Variants in ZSWIM2 observed in about 807,000 individuals in gnomAD.
The protein encoded by ZSWIM2 is E3 ubiquitin-protein ligase ZSWIM2.
A neutral mutation model predicts 48.4 loss-of-function variants in ZSWIM2; 38 were observed. The ratio of observed to expected loss-of-function variants is 0.79; its 90% CI spans 0.61 to 1.03. The LOEUF is 1.03. Among genes scored for constraint, ZSWIM2 ranks in the 50% least tolerant of loss-of-function variants. ZSWIM2 has a pLI of 0.00. For missense variants in ZSWIM2, 776 were observed against 730.2 expected, an observed-to-expected ratio of 1.06 and a Z score of -0.72; for synonymous variants, 240 against 251.3, an observed-to-expected ratio of 0.96 and a Z score of 0.42.
At position 186,834,017 on chromosome 2, in the gene ZSWIM2, T is replaced by C. The variant is rs748815970; in HGVS notation, c.757A>G (p.Ile253Val). Residue 253 changes from isoleucine to valine, a missense_variant, in exon 6 of 9, where the codon ATA becomes GTA. Ile to Val is a conservative substitution (Grantham distance 29). Coordinates refer to ENST00000295131, the MANE Select transcript of ZSWIM2 (RefSeq NM_182521.3). ...CATTCCTGGCATAAGTGATATTCTA[T>C]GCATTCGGTACACCTAAAAATACAA... is the stretch of plus-strand genomic sequence containing the variant. Reference protein sequence around the residue: ...EGKCYKCTECIEYHLCQECFD... With the variant: ...EGKCYKCTECVEYHLCQECFD... 2.5e-6 allele frequency: 4 copies of C among 1,610,826 alleles called. No homozygotes were observed. The African/African-American group carries it at 5.3e-5, about 22-fold the overall frequency.
chr2:186,846,809 A>G (rs1430697004), intron 2 of ZSWIM2, among the ~76,000 whole-genome samples: 2 of 48,910 alleles, frequency 4.1e-5, no homozygotes, highest in Admixed American at 6.6e-4. Flanking sequence ...ACACACACAC[A>G]CATATATATA....
intron 2 of ZSWIM2, among the ~76,000 whole-genome samples, chr2:186,847,396 T>C (rs763461742): frequency 3.3e-5 from 5 of 152,104 alleles, no homozygotes; most frequent in Non-Finnish European, 7.4e-5. Context: ...AAATGAACCA[T>C]ATAATTATCA....
Position 186,844,744 on chromosome 2 carries a change from T to C in ZSWIM2, c.256A>G (p.Lys86Glu). 6.4e-7 allele frequency: 1 copy of C among 1,564,506 alleles called. No individual in the cohort carries two copies. Among genetic ancestry groups the C allele is most frequent in the Non-Finnish European group, 8.6e-7 (1 of 1,160,644 alleles). ...TCATGGTTCCTTGGAAGCTTGAATTTTTTCAACAAGACCCTAACATTCACA... is the reference window on the plus strand; with the variant it reads ...TCATGGTTCCTTGGAAGCTTGAATTCTTTCAACAAGACCCTAACATTCACA... ...CKHICWVLLKKFKLPRNHESA... is the reference protein window; with the variant it reads ...CKHICWVLLKEFKLPRNHESA... The change falls in exon 3 of 9, where the codon AAA (lysine) becomes GAA (glutamate). Residue 86 changes from lysine (K) to glutamate (E), a missense_variant. Physicochemically the swap from Lys to Glu is moderately conservative, Grantham distance 56. Coordinates refer to ENST00000295131, the MANE Select transcript of ZSWIM2 (RefSeq NM_182521.3).
intron 1 of ZSWIM2, 24 bp downstream of exon 1, chr2:186,848,942 G>C (rs767360640): frequency 2.5e-6 from 4 of 1,613,168 alleles, no homozygotes; most frequent in Non-Finnish European, 3.4e-6. Flanking sequence ...ATGGCCAACT[G>C]GGGGCGGTAG....
In ZSWIM2 at chr2:186,839,189, T is replaced by G. The variant is rs1177359088; in HGVS notation, c.284-20A>C. 6.2e-7 allele frequency: 1 copy of G among 1,606,588 alleles called. No individual in the cohort carries two copies. Among genetic ancestry groups the G allele is most frequent in the East Asian group, 2.2e-5 (1 of 44,708 alleles). Reference sequence around the variant, plus strand: ...AAGCAGCTAGTGAGAAATCCCAAAGTATTAAAATCCAGTCATAAAATTGGA... The same window carrying G: ...AAGCAGCTAGTGAGAAATCCCAAAGGATTAAAATCCAGTCATAAAATTGGA... On this transcript the variant is annotated intron_variant, in intron 3 of 8. Transcript: ENST00000295131.
At chr2:186,847,034 G>T (rs1692016206) in intron 2 of ZSWIM2, among the ~76,000 whole-genome samples, 1 of 151,552 alleles carries the variant, frequency 6.6e-6, no homozygotes, top group South Asian at 2.1e-4. Flanking sequence ...AACTGGGAGG[G>T]TGGGAAGGGA....
intron 4 of ZSWIM2, among the ~76,000 whole-genome samples, 185 bp downstream of exon 4, chr2:186,838,774 T>C (rs1233711225): frequency 6.9e-6 from 1 of 145,774 alleles, no homozygotes; most frequent in Non-Finnish European, 1.5e-5. Context: ...TATTATAATA[T>C]ATTTATATTA....
rs983171693 is a variant in ZSWIM2 at position 186,849,163 on chromosome 2, G to A, written c.-33C>T. The A allele has an allele frequency of 1.6e-5, 25 of 1,568,174 alleles. No individual in the cohort carries two copies. The highest frequency in any genetic ancestry group is 2.0e-5 in the Non-Finnish European group (23 of 1,154,220). ...GCGGGCGGAGGCGGCCCCTCTGCTC[G>A]GCTCACTGAGGCGCCAGCCGGTCTC... On this transcript the variant is annotated 5_prime_UTR_variant, in exon 1 of 9. Coordinates refer to ENST00000295131, the MANE Select transcript of ZSWIM2 (RefSeq NM_182521.3).
chr2:186,844,811 A>G, intron 2 of ZSWIM2, 54 bp from the exon 3 acceptor site: 1 of 1,401,136 alleles, frequency 7.1e-7, no homozygotes, highest in South Asian at 1.4e-5. Context: ...GCATAAACTC[A>G]AAAGACATTT....
intron 1 of ZSWIM2, 141 bp downstream of exon 1, chr2:186,848,825 C>G: frequency 9.5e-7 from 1 of 1,054,152 alleles, no homozygotes; most frequent in East Asian, 2.4e-5. Flanking sequence ...GTCTGGAACA[C>G]TCGTGGGAAG....
intron 7 of ZSWIM2, among the ~76,000 whole-genome samples, chr2:186,831,069 A>G (rs1450150113): frequency 1.3e-5 from 2 of 152,078 alleles, no homozygotes; most frequent in Non-Finnish European, 2.9e-5. Flanking sequence ...TCTCTTACTT[A>G]TTCCATTTTC....
chr2:186,831,778 A>G (rs1691704281), intron 7 of ZSWIM2, among the ~76,000 whole-genome samples: 1 of 152,144 alleles, frequency 6.6e-6, no homozygotes, highest in African/African-American at 2.4e-5. Context: ...CGCAAGGACA[A>G]AAAACCAAAC....
intron 3 of ZSWIM2, 151 bp from the exon 4 acceptor site, chr2:186,839,320 T>G: frequency 1.9e-6 from 1 of 535,936 alleles, no homozygotes; most frequent in East Asian, 3.3e-5. Context: ...CTTCTTTACA[T>G]TTTTTTCAGA....
intron 1 of ZSWIM2, 24 bp downstream of exon 1, chr2:186,848,942 G>T (rs767360640): frequency 1.9e-6 from 3 of 1,613,168 alleles, no homozygotes; most frequent in East Asian, 2.2e-5. Flanking sequence ...ATGGCCAACT[G>T]GGGGCGGTAG....
At chr2:186,837,612 G>GTATATATATATATATTA (rs1553517374) in intron 4 of ZSWIM2, 58 bp from the exon 5 acceptor site, 105 of 488,066 alleles carry the variant, frequency 2.2e-4, no homozygotes, top group African/African-American at 2.1e-3. Context: ...CATATCCATT[G>GTATATATATATATATTA]TATATATATA....
Position 186,828,520 on chromosome 2 carries a change from G to C in ZSWIM2, c.1366C>G (p.Gln456Glu), listed in dbSNP as rs766557377. Residue 456 changes from glutamine (Q) to glutamate (E), a missense_variant, in exon 9 of 9, where the codon CAA becomes GAA. Gln to Glu is a conservative substitution (Grantham distance 29, BLOSUM62 2). Coordinates refer to ENST00000295131, the MANE Select transcript of ZSWIM2 (RefSeq NM_182521.3). Reference protein sequence around the residue: ...QCNFDELNTPQSPKDAYENTT... With the variant: ...QCNFDELNTPESPKDAYENTT... ...TTTTCATAGGCATCTTTTGGGCTTTGAGGTGTATTCAATTCATCAAAATTA... is the reference window on the plus strand; with the variant it reads ...TTTTCATAGGCATCTTTTGGGCTTTCAGGTGTATTCAATTCATCAAAATTA... The C allele has an allele frequency of 1.9e-6, 3 of 1,613,448 alleles. No homozygotes were observed. The highest frequency in any genetic ancestry group is 4.5e-5 in the East Asian group (2 of 44,832).
intron 2 of ZSWIM2, 73 bp from the exon 3 acceptor site, chr2:186,844,830 T>A (rs1307482934): frequency 1.6e-6 from 2 of 1,261,092 alleles, no homozygotes; most frequent in Non-Finnish European, 2.2e-6. Flanking sequence ...TTAAAAATAT[T>A]TAGAATAGAA....
At chr2:186,843,512 T>C (rs1398713105) in intron 3 of ZSWIM2, among the ~76,000 whole-genome samples, 3 of 151,250 alleles carry the variant, frequency 2.0e-5, no homozygotes, top group African/African-American at 7.3e-5. Context: ...ACTTGAGAAA[T>C]ATGTAGGATG....
Position 186,849,080 on chromosome 2 carries a change from C to G in ZSWIM2, c.51G>C (p.Glu17Asp). 2 of 1,614,086 alleles carry G rather than the reference C, an allele frequency of 1.2e-6. No homozygotes were observed. The highest frequency in any genetic ancestry group is 1.7e-6 in the Non-Finnish European group (2 of 1,179,988). Residue 17 changes from glutamate to aspartate, a missense_variant, in exon 1 of 9, where the codon GAG (glutamate) becomes GAC (aspartate). Physicochemically the swap from Glu to Asp is conservative, Grantham distance 45. Coordinates refer to ENST00000295131, the MANE Select transcript of ZSWIM2 (RefSeq NM_182521.3). ...KASERRRHLS[E>D]RLSWHQDQAL... ...CCTGGTCTTGGTGCCAGCTGAGCCT[C>G]TCGCTCAAGTGTCTTCGCCTTTCAG...
Sources: gnomAD v4.1 joint callset for allele counts (sites outside exome capture counted in the v4.1 genomes callset) on GRCh38, gnomAD v4.1.1 for gene constraint, MANE v1.5 for transcripts, NCBI Gene and HGNC (gene_info 2026-07-23, HGNC 2026-07-21) for gene names.